MALRD1: variants seen among roughly 807,000 people sequenced by gnomAD.
MALRD1 encodes the protein MAM and LDL receptor class A domain containing 1.
A neutral mutation model predicts 242.1 loss-of-function variants in MALRD1; 247 were observed. The observed-to-expected ratio is 1.02, with a 90% CI of 0.92 to 1.13. The LOEUF (loss-of-function observed/expected upper bound fraction) is 1.13. MALRD1 is among the 50% of genes most tolerant of loss of function. The probability of loss-of-function intolerance (pLI) is 0.00; values close to 1 mark genes in which losing one functional copy is unlikely to be tolerated. For synonymous variants in MALRD1, 995 were observed against 866.6 expected (o/e 1.15, Z -2.60); for missense variants, 2,989 against 2,533.1 (o/e 1.18, Z -3.86).
chr10:19,433,702 A>G (rs917497465), intron 28 of MALRD1, among the ~76,000 whole-genome samples: 2 of 151,424 alleles, frequency 1.3e-5, no homozygotes, highest in Non-Finnish European at 1.5e-5. Flanking sequence ...GAACATGGAG[A>G]AAAAAAAATG....
chr10:19,124,702 A>G, intron 7 of MALRD1, 32 bp downstream of exon 7: 2 of 1,231,880 alleles, frequency 1.6e-6, no homozygotes, highest in Non-Finnish European at 2.0e-6. Flanking sequence ...TTTATGTATT[A>G]CTTTCAGAAT....
chr10:19,282,253 C>T (rs910873861), intron 20 of MALRD1, among the ~76,000 whole-genome samples: 1 of 152,164 alleles, frequency 6.6e-6, no homozygotes, highest in Non-Finnish European at 1.5e-5. Context: ...AATGTCATGA[C>T]TGAAAACACT....
Position 19,547,806 on chromosome 10 carries a change from A to C in MALRD1, c.5478+16455A>C, listed in dbSNP as rs1345734883. Among the ~76,000 whole-genome samples the C allele has an allele frequency of 1.7e-3, 23 of 13,736 alleles. 1 individual carries two copies. The highest frequency in any genetic ancestry group is 4.7e-3 in the African/African-American group (21 of 4,484). 9.0% of individuals were successfully genotyped at this position (13,736 alleles called of 152,430 possible). A position where few individuals can be genotyped will look rare whatever the true frequency, so the allele number is the denominator to read the frequency against. On this transcript the variant is annotated intron_variant, in intron 32 of 39. Transcript: ENST00000454679. ...GATACATATATATATATATATATAT[A>C]TATATATATATATTTTTTTTTTTTT...
At chr10:19,490,232 C>G (rs1837422055) in intron 29 of MALRD1, among the ~76,000 whole-genome samples, 1 of 151,614 alleles carries the variant, frequency 6.6e-6, no homozygotes, top group Non-Finnish European at 1.5e-5. Context: ...ATCTTTTTTT[C>G]CTTTGTCCAT....
rs139057225 is a variant in MALRD1, at chr10:19,383,500, G to A, written c.4442-4028G>A. Among the ~76,000 whole-genome samples the A allele has an allele frequency of 3.5e-3, 528 of 152,158 alleles. 4 individuals are homozygous for A. Among genetic ancestry groups the A allele is most frequent in the African/African-American group, 0.012 (510 of 41,504 alleles). Reference sequence around the variant, plus strand: ...TGTCTTTGCTATTCTGGATAGTGCTGTGATGATCATGAATGTGTATGTGTC... The same window carrying A: ...TGTCTTTGCTATTCTGGATAGTGCTATGATGATCATGAATGTGTATGTGTC... On this transcript the variant is annotated intron_variant, in intron 26 of 39. Coordinates refer to ENST00000454679, the MANE Select transcript of MALRD1 (RefSeq NM_001142308.3).
intron 14 of MALRD1, among the ~76,000 whole-genome samples, chr10:19,193,543 G>A (rs182922817): frequency 2.1e-4 from 32 of 152,214 alleles, no homozygotes; most frequent in African/African-American, 7.7e-4. Context: ...AACACAGCGA[G>A]ACCCCATCTC....
intron 15 of MALRD1, among the ~76,000 whole-genome samples, 187 bp from the exon 16 acceptor site, chr10:19,204,121 C>A (rs918151372): frequency 2.6e-5 from 4 of 152,130 alleles, no homozygotes; most frequent in African/African-American, 9.7e-5. Flanking sequence ...TATCATTTAG[C>A]ATGAGATGTA....
intron 36 of MALRD1, among the ~76,000 whole-genome samples, chr10:19,682,541 G>T (rs1842416640): frequency 1.3e-5 from 2 of 152,086 alleles, no homozygotes; most frequent in Admixed American, 6.5e-5. Context: ...TCTCTTTCAG[G>T]TGGGCTCTGC....
intron 23 of MALRD1, among the ~76,000 whole-genome samples, chr10:19,330,384 A>G (rs1438971734): frequency 1.3e-5 from 2 of 152,140 alleles, no homozygotes; most frequent in Non-Finnish European, 2.9e-5. Flanking sequence ...TAAGAAAAAT[A>G]ATTGTCCAGA....
At chr10:19,468,927 C>T (rs1423699066) in intron 29 of MALRD1, among the ~76,000 whole-genome samples, 1 of 152,052 alleles carries the variant, frequency 6.6e-6, no homozygotes, top group African/African-American at 2.4e-5. Context: ...TCTCTTCTCT[C>T]CCTCCTCTTA....
intron 2 of MALRD1, among the ~76,000 whole-genome samples, chr10:19,068,515 CA>C (rs1835047848): frequency 6.6e-6 from 1 of 152,024 alleles, no homozygotes; most frequent in Non-Finnish European, 1.5e-5. Context: ...ATCTGTAAAA[CA>C]GAGATAATAA....
chr10:19,134,064 T>C, intron 9 of MALRD1, 116 bp downstream of exon 9: 1 of 420,452 alleles, frequency 2.4e-6, no homozygotes, highest in Non-Finnish European at 4.0e-6. Context: ...GGATGCGTGC[T>C]TGTATATTTG....
chr10:19,060,245 C>T (rs1263224479), intron 1 of MALRD1, among the ~76,000 whole-genome samples: 5 of 150,418 alleles, frequency 3.3e-5, no homozygotes, highest in East Asian at 1.9e-4. Flanking sequence ...GTTTTATGTA[C>T]GTTATCTTAC....
At chr10:19,180,538 C>T (rs546514391) in intron 14 of MALRD1, among the ~76,000 whole-genome samples, 11 of 152,238 alleles carry the variant, frequency 7.2e-5, no homozygotes, top group African/African-American at 2.2e-4. Flanking sequence ...TGAAATTGGA[C>T]CTTTGTCTTA....
intron 24 of MALRD1, among the ~76,000 whole-genome samples, chr10:19,340,657 TA>T (rs1049906897): frequency 6.6e-6 from 1 of 152,092 alleles, no homozygotes; most frequent in Non-Finnish European, 1.5e-5. Context: ...GAACATTTAA[TA>T]AAAAAATCAA....
In MALRD1 at chr10:19,280,097, A is replaced by C; in HGVS notation, c.3130A>C (p.Thr1044Pro). 6.5e-7 allele frequency: 1 copy of C among 1,536,824 alleles called. No homozygotes were observed. The highest frequency in any genetic ancestry group is 8.8e-7 in the Non-Finnish European group (1 of 1,141,976). Residue 1044 changes from threonine to proline, a missense_variant, in exon 20 of 40, where the codon ACA (threonine) becomes CCA (proline). By Grantham distance (38) the Thr-to-Pro change is conservative. Transcript: ENST00000454679. ...PTPPETSVPV[T>P]LPPHNCTDNE... ...TCCACCAGAAACGTCAGTTCCTGTA[A>C]CATTACCTCCACACAACTGCACAGA... is the stretch of plus-strand genomic sequence containing the variant.
At chr10:19,694,162 A>G (rs947841052) in intron 38 of MALRD1, among the ~76,000 whole-genome samples, 3 of 152,250 alleles carry the variant, frequency 2.0e-5, no homozygotes, top group African/African-American at 4.8e-5. Flanking sequence ...GGACATAGGC[A>G]TGGGCAAGGA....
chr10:19,099,431 T>C (rs1836168059), intron 4 of MALRD1, among the ~76,000 whole-genome samples: 1 of 152,136 alleles, frequency 6.6e-6, no homozygotes, highest in Non-Finnish European at 1.5e-5. Context: ...CTTACGTCTA[T>C]TCAGAGGTCA....
intron 38 of MALRD1, among the ~76,000 whole-genome samples, chr10:19,697,378 G>A (rs1195663663): frequency 2.6e-5 from 4 of 151,964 alleles, no homozygotes; most frequent in East Asian, 1.9e-4. Context: ...CCCAGTCTGC[G>A]CTTGAGCCCC....
Sources: gnomAD v4.1 joint callset for allele counts (sites outside exome capture counted in the v4.1 genomes callset) on GRCh38, gnomAD v4.1.1 for gene constraint, MANE v1.5 for transcripts, NCBI Gene and HGNC (gene_info 2026-07-23, HGNC 2026-07-21) for gene names.